CFAP54: variants seen among roughly 807,000 people sequenced by gnomAD.
CFAP54 encodes cilia- and flagella-associated protein 54.
Under a neutral mutation model 370.4 loss-of-function variants are expected in CFAP54, and 290 were observed. The observed-to-expected ratio is 0.78, with a 90% CI of 0.71 to 0.86. The LOEUF is 0.86. Among genes scored for constraint, CFAP54 ranks in the 40% least tolerant of loss-of-function variants. The pLI, the probability that CFAP54 is intolerant of heterozygous loss-of-function variation, is 0.00. For missense variants in CFAP54, 3,399 were observed against 3,528.7 expected, an observed-to-expected ratio of 0.96 and a Z score of 0.93; for synonymous variants, 1,206 against 1,236.5, an observed-to-expected ratio of 0.98 and a Z score of 0.52.
intron 50 of CFAP54, among the ~76,000 whole-genome samples, chr12:96,725,270 A>G (rs1285816782): frequency 2.0e-5 from 3 of 151,184 alleles, no homozygotes; most frequent in Non-Finnish European, 4.4e-5. Context: ...CTTGGGCAGT[A>G]TGGCCATTTT....
At chr12:96,815,238 A>G (rs997959348) in intron 64 of CFAP54, among the ~76,000 whole-genome samples, 2 of 152,104 alleles carry the variant, frequency 1.3e-5, no homozygotes, top group African/African-American at 2.4e-5. Flanking sequence ...CTATTTAATG[A>G]TTGCCATTCT....
At chr12:96,802,261 T>C (rs1958828012) in intron 63 of CFAP54, among the ~76,000 whole-genome samples, 1 of 152,138 alleles carries the variant, frequency 6.6e-6, no homozygotes, top group Admixed American at 6.5e-5. Context: ...TTCTTGCCCA[T>C]GCTGCTTTCC....
intron 15 of CFAP54, among the ~76,000 whole-genome samples, chr12:96,552,454 A>T (rs1246796030): frequency 6.6e-6 from 1 of 151,764 alleles, no homozygotes; most frequent in East Asian, 1.9e-4. Context: ...AGTGATTCTC[A>T]TGCCTCAGTC....
chr12:96,744,157 T>G lies in CFAP54; in HGVS notation c.7684+11T>G, dbSNP rs773158823. 1.3e-6 allele frequency: 2 copies of G among 1,595,206 alleles called. No homozygotes were observed. Among genetic ancestry groups the G allele is most frequent in the South Asian group, 2.3e-5 (2 of 88,458 alleles). ...TAAAAATGAGAATTGGTAAGAACAT[T>G]TAAACTTATATTGCCCTAGAATAAC... On this transcript the variant is annotated intron_variant, in intron 55 of 67. Transcript: ENST00000524981.
At chr12:96,574,725 A>G (rs1204097926) in intron 19 of CFAP54, among the ~76,000 whole-genome samples, 1 of 152,070 alleles carries the variant, frequency 6.6e-6, no homozygotes, top group Non-Finnish European at 1.5e-5. Flanking sequence ...CAGTATTATT[A>G]CAGTTCATTA....
At chr12:96,651,869 G>A in intron 36 of CFAP54, 54 bp downstream of exon 36, 5 of 1,097,214 alleles carry the variant, frequency 4.6e-6, no homozygotes, top group Non-Finnish European at 6.6e-6. Context: ...ATATCGTACT[G>A]TGCATCTTGG....
chr12:96,727,875 G>A (rs960810195), intron 50 of CFAP54, among the ~76,000 whole-genome samples: 1 of 151,350 alleles, frequency 6.6e-6, no homozygotes, highest in African/African-American at 2.4e-5. Context: ...AGGCCTGGTG[G>A]TGACAAAATC....
At chr12:96,764,887 ATTTG>A (rs2136671630) in intron 59 of CFAP54, among the ~76,000 whole-genome samples, 186 bp from the exon 60 acceptor site, 1 of 152,292 alleles carries the variant, frequency 6.6e-6, no homozygotes, top group African/African-American at 2.4e-5. Context: ...ACCCTAAATT[ATTTG>A]TTTGACTATG....
At chr12:96,784,631 A>G in intron 60 of CFAP54, 86 bp from the exon 61 acceptor site, 1 of 1,010,302 alleles carries the variant, frequency 9.9e-7, no homozygotes, top group Non-Finnish European at 1.4e-6. Context: ...TTCCTTTATG[A>G]GCTGTGCTTT....
intron 60 of CFAP54, among the ~76,000 whole-genome samples, chr12:96,775,921 T>C (rs1261547678): frequency 6.6e-6 from 1 of 152,180 alleles, no homozygotes; most frequent in African/African-American, 2.4e-5. Context: ...TAAATATGCT[T>C]TTACATAGGG....
At position 96,554,286 on chromosome 12, in the gene CFAP54, A is replaced by T; in HGVS notation, c.2259A>T (p.Ser753=). Residue 753 remains serine, a synonymous_variant, in exon 16 of 68, where the codon TCA becomes TCT. Coordinates refer to ENST00000524981, the MANE Select transcript of CFAP54 (RefSeq NM_001306084.2). ...CMLTSLPNGS[S]VIDHCYAKRT... Reference sequence around the variant, plus strand: ...TAACCTCTTTGCCAAATGGATCATCAGTAATTGACCACTGCTATGCCAAGG... The same window carrying T: ...TAACCTCTTTGCCAAATGGATCATCTGTAATTGACCACTGCTATGCCAAGG... The T allele has an allele frequency of 6.5e-7, 1 of 1,527,654 alleles. No homozygotes were observed. Among genetic ancestry groups the T allele is most frequent in the Non-Finnish European group, 8.7e-7 (1 of 1,143,286 alleles). The allele number at this position is 1,527,654 out of a possible 1,614,324, so 94.6% of individuals were successfully genotyped here.
chr12:96,787,920 G>GT lies in CFAP54; in HGVS notation c.8679+1032dup, dbSNP rs565152172. Among the ~76,000 whole-genome samples, 289 of 146,984 alleles carry GT rather than the reference G, an allele frequency of 2.0e-3. 1 individual carries two copies. Among genetic ancestry groups the GT allele is most frequent in the African/African-American group, 5.7e-3 (229 of 40,098 alleles). ...GAAAAAGTGAGGTTTTTTTTTTTTG[G>GT]TTTTTTTTTTGAGACAGAGTCTCTC... On this transcript the variant is annotated intron_variant, in intron 62 of 67. Transcript: ENST00000524981.
chr12:96,772,747 G>C (rs1272142620), intron 60 of CFAP54, among the ~76,000 whole-genome samples: 1 of 152,072 alleles, frequency 6.6e-6, no homozygotes, highest in African/African-American at 2.4e-5. Flanking sequence ...AGCCTTCTGA[G>C]TAGCTGGGAT....
chr12:96,503,254 T>A (rs989071495), intron 2 of CFAP54, among the ~76,000 whole-genome samples: 2 of 142,008 alleles, frequency 1.4e-5, no homozygotes, highest in Non-Finnish European at 3.1e-5. Flanking sequence ...TCTCTCTCTT[T>A]CACTTCCTTT....
At chr12:96,575,352 A>G (rs1565901191) in intron 19 of CFAP54, among the ~76,000 whole-genome samples, 1 of 152,082 alleles carries the variant, frequency 6.6e-6, no homozygotes, top group Non-Finnish European at 1.5e-5. Context: ...CACTTTCTTA[A>G]TGGTATCCTT....
chr12:96,667,643 TC>T (rs1376030503), intron 39 of CFAP54, among the ~76,000 whole-genome samples: 1 of 152,070 alleles, frequency 6.6e-6, no homozygotes, highest in African/African-American at 2.4e-5. Flanking sequence ...ACCCAGGAAA[TC>T]CTTTTTCTCT....
At chr12:96,787,904 AGGTTTTTTTTTTTT>A (rs1958644362) in intron 62 of CFAP54, among the ~76,000 whole-genome samples, 3 of 150,618 alleles carry the variant, frequency 2.0e-5, no homozygotes, top group Admixed American at 6.6e-5. Flanking sequence ...TGAAAAAGTG[AGGTTTTTTTTTTTT>A]GGTTTTTTTT....
At chr12:96,706,237 A>T (rs1957546343) in intron 47 of CFAP54, among the ~76,000 whole-genome samples, 1 of 152,192 alleles carries the variant, frequency 6.6e-6, no homozygotes, top group Non-Finnish European at 1.5e-5. Context: ...AGTGCATTAG[A>T]CGGAGAACCA....
intron 65 of CFAP54, among the ~76,000 whole-genome samples, chr12:96,827,740 T>TATATATAATTATATTTAATATAATG (rs1959134674): frequency 1.6e-5 from 2 of 123,680 alleles, no homozygotes; most frequent in Non-Finnish European, 3.2e-5. Flanking sequence ...TTAATATAAT[T>TATATATAATTATATTTAATATAATG]ATATATAATA....
Sources: gnomAD v4.1 joint callset for allele counts (sites outside exome capture counted in the v4.1 genomes callset) on GRCh38, gnomAD v4.1.1 for gene constraint, MANE v1.5 for transcripts, NCBI Gene and HGNC (gene_info 2026-07-23, HGNC 2026-07-21) for gene names.